The following RASA3 variants were observed in gnomAD, a reference collection of about 807,000 sequenced individuals.
RASA3 encodes ras GTPase-activating protein 3.
RASA3 carries 73 observed loss-of-function variants against 110.0 expected under a neutral mutation model. The ratio of observed to expected loss-of-function variants is 0.66; its 90% confidence interval spans 0.55 to 0.81. RASA3 has a LOEUF of 0.81. Among genes scored for constraint, RASA3 ranks in the 30% least tolerant of loss-of-function variants. The probability of loss-of-function intolerance (pLI) is 0.00; values close to 1 mark genes in which losing one functional copy is unlikely to be tolerated. For missense variants in RASA3, 976 were observed against 1,113.2 expected (o/e 0.88, Z 1.75); for synonymous variants, 500 against 451.4 (o/e 1.11, Z -1.37).
At position 113,979,258 on chromosome 13, in the gene RASA3, G is replaced by C; in HGVS notation, c.*89C>G. 7.7e-7 allele frequency: 1 copy of C among 1,297,668 alleles called. No homozygotes were observed. 80.4% of individuals were successfully genotyped at this position (1,297,668 alleles called of 1,614,324 possible). A position where few individuals can be genotyped will look rare whatever the true frequency, so the allele number is the denominator to read the frequency against. On this transcript the variant is annotated 3_prime_UTR_variant, in exon 24 of 24. Coordinates refer to ENST00000334062, the MANE Select transcript of RASA3 (RefSeq NM_007368.4). ...GGACGGCGTGCATCTCACTTTGCCG[G>C]CTCTGCGCTCTTCCTTCTCTTCTCC...
chr13:114,132,402 G>T, intron 1 of RASA3, 33 bp downstream of exon 1: 2 of 1,500,966 alleles, frequency 1.3e-6, no homozygotes, highest in East Asian at 5.6e-5. Context: ...TCGGGCCGGG[G>T]GGTCGGACGC....
intron 3 of RASA3, among the ~76,000 whole-genome samples, chr13:114,047,823 G>A (rs1390189461): frequency 6.6e-6 from 1 of 152,224 alleles, no homozygotes; most frequent in Non-Finnish European, 1.5e-5. Context: ...TGTGGGAACA[G>A]GCCTCAGAGC....
chr13:113,979,098 C>G lies in RASA3; in HGVS notation c.*249G>C, dbSNP rs147970919. On this transcript the variant is annotated 3_prime_UTR_variant, in exon 24 of 24. Transcript: ENST00000334062. Reference sequence around the variant, plus strand: ...CCTTCAGCTGATCCCCAGATCCCCACAAACAAGGAGCAAAAAGCACAGAAT... The same window carrying G: ...CCTTCAGCTGATCCCCAGATCCCCAGAAACAAGGAGCAAAAAGCACAGAAT... 1 of 526,986 alleles carries G rather than the reference C, an allele frequency of 1.9e-6. No homozygotes were observed. The highest frequency in any genetic ancestry group is 3.2e-5 in the East Asian group (1 of 31,154). 32.6% of individuals were successfully genotyped at this position (526,986 alleles called of 1,614,324 possible).
At chr13:114,077,606 CCGA>C (rs1410278172) in intron 1 of RASA3, among the ~76,000 whole-genome samples, 1 of 149,126 alleles carries the variant, frequency 6.7e-6, no homozygotes, top group Non-Finnish European at 1.5e-5. Context: ...TCCTCCCTGC[CCGA>C]CAATGCCCAG....
chr13:114,002,804 C>T (rs573411879), intron 18 of RASA3, among the ~76,000 whole-genome samples: 5 of 152,170 alleles, frequency 3.3e-5, no homozygotes, highest in African/African-American at 7.2e-5. Flanking sequence ...GGGCCCATCG[C>T]GCGTGTGGGA....
At chr13:113,981,911 G>A (rs916343991) in intron 22 of RASA3, 53 bp from the exon 23 acceptor site, 74 of 1,551,284 alleles carry the variant, frequency 4.8e-5, no homozygotes, top group African/African-American at 1.1e-4. Context: ...CACCGGCCCC[G>A]TCTCCACACA....
chr13:114,038,046 T>C (rs980467853), intron 4 of RASA3, among the ~76,000 whole-genome samples: 6 of 148,782 alleles, frequency 4.0e-5, no homozygotes, highest in African/African-American at 1.5e-4. Context: ...TGCCTTCCTA[T>C]AGATCTATAA....
chr13:114,057,597 T>C lies in RASA3; in HGVS notation c.174-5442A>G. 1.2e-6 allele frequency: 1 copy of C among 839,262 alleles called. No homozygotes were observed. 52.0% of individuals were successfully genotyped at this position (839,262 alleles called of 1,614,324 possible). A position where few individuals can be genotyped will look rare whatever the true frequency, so the allele number is the denominator to read the frequency against. ...AGGAAACCTCTCCCCACAATGACTG[T>C]GCACAGAGCCAGCCTGACACCCAAG... On this transcript the variant is annotated intron_variant, in intron 2 of 23. Transcript: ENST00000334062. This position sits in a 1 kb window ranked among gnomAD's most constrained non-coding sequence, Gnocchi z 5.0.
At chr13:114,033,907 G>C (rs1238431391) in intron 4 of RASA3, among the ~76,000 whole-genome samples, 2 of 152,242 alleles carry the variant, frequency 1.3e-5, no homozygotes, top group African/African-American at 4.8e-5. Context: ...AGCACTGTGG[G>C]CGGGGAAAAC....
rs913528484 is a variant in RASA3, at chr13:114,113,176, C to T, written c.55+19259G>A. On this transcript the variant is annotated intron_variant, in intron 1 of 23. Coordinates refer to ENST00000334062, the MANE Select transcript of RASA3 (RefSeq NM_007368.4). ...TCCTGGGCTGTTTCCACGGATGAGG[C>T]TTCTCTGAATGTAAGTTTGTCTGCT... Among the ~76,000 whole-genome samples the T allele has an allele frequency of 2.6e-5, 4 of 152,214 alleles. 1 individual carries two copies. In the South Asian group the frequency reaches 8.3e-4, roughly 32 times the overall value.
chr13:114,056,999 C>G lies in RASA3; in HGVS notation c.174-4844G>C, dbSNP rs1472416492. Among the ~76,000 whole-genome samples, 5 of 152,114 alleles carry G rather than the reference C, an allele frequency of 3.3e-5. No individual in the cohort carries two copies. The highest frequency in any genetic ancestry group is 2.9e-5 in the Non-Finnish European group (2 of 68,018). ...CCCCCCTGCTAAGAGGAGCTGTTGTCCTTGGGAACCACGGGTCCCCCCTCC... is the reference window on the plus strand; with the variant it reads ...CCCCCCTGCTAAGAGGAGCTGTTGTGCTTGGGAACCACGGGTCCCCCCTCC... On this transcript the variant is annotated intron_variant, in intron 2 of 23. Coordinates refer to ENST00000334062, the MANE Select transcript of RASA3 (RefSeq NM_007368.4). This position sits in a 1 kb window ranked among gnomAD's most constrained non-coding sequence, Gnocchi z 5.7.
intron 3 of RASA3, among the ~76,000 whole-genome samples, chr13:114,047,383 G>C (rs1243415403): frequency 6.6e-6 from 1 of 152,192 alleles, no homozygotes; most frequent in Non-Finnish European, 1.5e-5. Context: ...GGTAACTAGA[G>C]AATAAAAACT....
intron 1 of RASA3, among the ~76,000 whole-genome samples, chr13:114,082,565 C>G (rs936302628): frequency 1.3e-5 from 2 of 152,208 alleles, no homozygotes; most frequent in Non-Finnish European, 2.9e-5. Context: ...GGAACTGGGT[C>G]TTTCTCCCTT....
intron 21 of RASA3, among the ~76,000 whole-genome samples, chr13:113,995,625 G>T (rs1234978002): frequency 6.8e-6 from 1 of 146,420 alleles, no homozygotes; most frequent in Non-Finnish European, 1.5e-5. Context: ...CTGATGGGGG[G>T]CCTGACAGGG....
intron 1 of RASA3, among the ~76,000 whole-genome samples, chr13:114,125,082 G>A (rs1232042963): frequency 1.3e-5 from 2 of 152,156 alleles, no homozygotes. Flanking sequence ...TCTAGGGGGT[G>A]GTGTTGGGCG....
chr13:114,001,488 G>A (rs1251601116), intron 18 of RASA3, among the ~76,000 whole-genome samples: 1 of 142,864 alleles, frequency 7.0e-6, no homozygotes. Flanking sequence ...AGGACCTACA[G>A]GCGCGGGCTC....
rs1253581396 is a variant in RASA3 at position 114,014,072 on chromosome 13, CCGTCTGTCTCTG to C, written c.1406-836_1406-825del. 6.6e-6 allele frequency among the ~76,000 whole-genome samples: 1 copy of C among 151,112 alleles called. No homozygotes were observed. Among genetic ancestry groups the C allele is most frequent in the African/African-American group, 2.4e-5 (1 of 41,072 alleles). Reference sequence around the variant, plus strand: ...TCTCCGTCTGTCTCTGCCTCTCTCTCCGTCTGTCTCTGCCTCTCTCTCCGTCTCTCCCTGTCT... The same window carrying C: ...TCTCCGTCTGTCTCTGCCTCTCTCTCCCTCTCTCTCCGTCTCTCCCTGTCT... On this transcript the variant is annotated intron_variant, in intron 14 of 23. Coordinates refer to ENST00000334062, the MANE Select transcript of RASA3 (RefSeq NM_007368.4). The surrounding 1 kb of genome is among the most constrained non-coding windows in gnomAD (Gnocchi z 4.5).
At chr13:114,038,701 C>T (rs982148585) in intron 4 of RASA3, among the ~76,000 whole-genome samples, 3 of 150,866 alleles carry the variant, frequency 2.0e-5, no homozygotes, top group African/African-American at 7.4e-5. Context: ...GTTGCCAGGG[C>T]AAGACGGTTC....
In RASA3 at chr13:114,048,468, G is replaced by C. The variant is rs1039529817; in HGVS notation, c.277+3584C>G. The stretch of plus-strand genomic sequence containing the variant: ...GCCCAGAGGAAGGTGGAGGCCTAGC[G>C]GGAAAAGGAGGGAGGCGCCAGGATC... On this transcript the variant is annotated intron_variant, in intron 3 of 23. Transcript: ENST00000334062. This position sits in a 1 kb window ranked among gnomAD's most constrained non-coding sequence, Gnocchi z 4.3. Among the ~76,000 whole-genome samples the C allele has an allele frequency of 1.3e-5, 2 of 152,136 alleles. No individual in the cohort carries two copies. Among genetic ancestry groups the C allele is most frequent in the Non-Finnish European group, 2.9e-5 (2 of 68,016 alleles).
Sources: gnomAD v4.1 joint callset for allele counts (sites outside exome capture counted in the v4.1 genomes callset) on GRCh38, gnomAD v4.1.1 for gene constraint, Gnocchi (gnomAD v3.1) non-coding constraint, MANE v1.5 for transcripts, NCBI Gene and HGNC (gene_info 2026-07-23, HGNC 2026-07-21) for gene names.